The following FBXL17 variants were observed in gnomAD, a reference collection of about 807,000 sequenced individuals.
The protein encoded by FBXL17 is F-box/LRR-repeat protein 17.
FBXL17 carries 22 observed loss-of-function variants against 66.2 expected under a neutral mutation model. That is an observed-to-expected ratio of 0.33 (90% CI 0.24 to 0.47). The LOEUF (loss-of-function observed/expected upper bound fraction) is 0.47, where lower values mean the gene tolerates loss of function less well. Among genes scored for constraint, FBXL17 ranks in the 20% least tolerant of loss-of-function variants. FBXL17 has a pLI of 1.00. For missense variants in FBXL17, 878 were observed against 948.2 expected (o/e 0.93, Z 0.97); for synonymous variants, 474 against 400.5 (o/e 1.18, Z -2.19).
intron 7 of FBXL17, among the ~76,000 whole-genome samples, chr5:108,020,361 T>C (rs541131840): frequency 6.6e-6 from 1 of 152,074 alleles, no homozygotes; most frequent in East Asian, 1.9e-4. Flanking sequence ...TTTTCATAAT[T>C]GTAGAAAACA....
intron 6 of FBXL17, among the ~76,000 whole-genome samples, chr5:108,074,786 T>C (rs185445572): frequency 1.8e-4 from 27 of 152,346 alleles, no homozygotes; most frequent in African/African-American, 6.3e-4. Context: ...CTTTGTACTA[T>C]GAGAGAACAC....
intron 1 of FBXL17, among the ~76,000 whole-genome samples, chr5:108,368,867 G>A (rs1748840427): frequency 6.7e-6 from 1 of 149,922 alleles, no homozygotes; most frequent in Admixed American, 6.6e-5. Flanking sequence ...ACTGTATCAG[G>A]CAAGCCTGCC....
chr5:108,076,614 C>T (rs6865057), intron 6 of FBXL17, among the ~76,000 whole-genome samples: 18,115 of 152,014 alleles, frequency 0.12, 1,345 homozygotes, highest in East Asian at 0.17. Context: ...TTTAAAATGG[C>T]TGCTGCTTGG....
At chr5:108,102,521 A>C (rs1403138688) in intron 6 of FBXL17, among the ~76,000 whole-genome samples, 1 of 152,118 alleles carries the variant, frequency 6.6e-6, no homozygotes, top group Non-Finnish European at 1.5e-5. Flanking sequence ...ACACAATGAA[A>C]ATAATGCCTA....
chr5:107,940,473 G>T (rs1034271303), intron 7 of FBXL17, among the ~76,000 whole-genome samples: 1 of 152,160 alleles, frequency 6.6e-6, no homozygotes, highest in Admixed American at 6.5e-5. Flanking sequence ...ATCAGGGAAG[G>T]CTTGTTAAAT....
At chr5:107,999,458 C>CAT (rs922533746) in intron 7 of FBXL17, among the ~76,000 whole-genome samples, 8 of 134,598 alleles carry the variant, frequency 5.9e-5, no homozygotes, top group Admixed American at 2.1e-4. Context: ...CAGAAACACA[C>CAT]ACACACACAC....
At position 108,367,764 on chromosome 5, in the gene FBXL17, T is replaced by A. The variant is rs1748765444; in HGVS notation, c.1116+67A>T. The A allele has an allele frequency of 3.7e-6, 5 of 1,348,330 alleles. No homozygotes were observed. In the East Asian group the frequency reaches 1.3e-4, roughly 36 times the overall value. 83.5% of individuals were successfully genotyped at this position (1,348,330 alleles called of 1,614,324 possible). On this transcript the variant is annotated intron_variant, in intron 2 of 8. Transcript: ENST00000542267. ...AAAAAACAAGAAGACAGTAAAGATT[T>A]CTGAAGAGGAATAAAGATATTTTTT...
At chr5:108,360,895 A>G (rs1580889306) in intron 3 of FBXL17, among the ~76,000 whole-genome samples, 1 of 151,928 alleles carries the variant, frequency 6.6e-6, no homozygotes, top group East Asian at 1.9e-4. Context: ...CAGTTATTGT[A>G]CTTCTTAGCT....
rs1188220611 is a variant in FBXL17, at chr5:108,146,237, A to T, written c.1745+39880T>A. ...ACATAGCAAGACTTCGTCTCAAAAA[A>T]AAAAAAAGACTCATCACCAAAACTG... On this transcript the variant is annotated intron_variant, in intron 6 of 8. Transcript: ENST00000542267. Among the ~76,000 whole-genome samples the T allele has an allele frequency of 3.3e-5, 5 of 152,074 alleles. No individual in the cohort carries two copies. In the East Asian group the frequency reaches 9.7e-4, roughly 29 times the overall value.
chr5:107,917,580 CAT>C (rs1455829249), intron 7 of FBXL17, among the ~76,000 whole-genome samples: 1 of 152,162 alleles, frequency 6.6e-6, no homozygotes, highest in East Asian at 1.9e-4. Context: ...CACTAAATGA[CAT>C]AGTGTACTTG....
chr5:107,893,025 C>T (rs1212966671), intron 7 of FBXL17, among the ~76,000 whole-genome samples: 2 of 152,138 alleles, frequency 1.3e-5, no homozygotes, highest in Admixed American at 6.6e-5. Context: ...ATATACCTGT[C>T]TATCTCTCAA....
At chr5:108,138,530 A>AG (rs1265597251) in intron 6 of FBXL17, among the ~76,000 whole-genome samples, 2 of 152,232 alleles carry the variant, frequency 1.3e-5, no homozygotes, top group East Asian at 3.8e-4. Context: ...AATTGGTCAA[A>AG]GGTTAAAAAG....
At chr5:108,336,803 TATAGA>T (rs1487473458) in intron 4 of FBXL17, among the ~76,000 whole-genome samples, 9 of 152,182 alleles carry the variant, frequency 5.9e-5, no homozygotes, top group South Asian at 2.1e-4. Flanking sequence ...TTGATATTGC[TATAGA>T]ATAAAGTATA....
At chr5:108,251,860 G>C (rs905781512) in intron 4 of FBXL17, among the ~76,000 whole-genome samples, 2 of 151,774 alleles carry the variant, frequency 1.3e-5, no homozygotes, top group African/African-American at 4.8e-5. Flanking sequence ...TCAATATTAT[G>C]TGGCTGAGAT....
At chr5:108,378,043 A>C (rs1749567448) in intron 1 of FBXL17, among the ~76,000 whole-genome samples, 2 of 152,240 alleles carry the variant, frequency 1.3e-5, no homozygotes, top group Non-Finnish European at 2.9e-5. Context: ...TAATAAGCAT[A>C]AAATAGGATA....
intron 1 of FBXL17, among the ~76,000 whole-genome samples, chr5:108,379,164 T>TC (rs1173269714): frequency 6.6e-6 from 1 of 152,242 alleles, no homozygotes; most frequent in East Asian, 1.9e-4. Flanking sequence ...CCCTTTTTTT[T>TC]CTCGGCATTA....
intron 7 of FBXL17, among the ~76,000 whole-genome samples, chr5:107,887,386 G>A (rs192061292): frequency 6.6e-5 from 10 of 152,242 alleles, no homozygotes; most frequent in Non-Finnish European, 1.0e-4. Flanking sequence ...TCATACAAGC[G>A]CATTAACAAG....
intron 7 of FBXL17, among the ~76,000 whole-genome samples, chr5:107,902,940 CACTG>C (rs1386527646): frequency 6.6e-6 from 1 of 152,050 alleles, no homozygotes; most frequent in Non-Finnish European, 1.5e-5. Context: ...TCATTCACTA[CACTG>C]ACTGAATAAA....
At chr5:107,948,107 A>C (rs1751373772) in intron 7 of FBXL17, among the ~76,000 whole-genome samples, 1 of 152,152 alleles carries the variant, frequency 6.6e-6, no homozygotes, top group Non-Finnish European at 1.5e-5. Flanking sequence ...TGGTTAAAAA[A>C]AAAATAGGCT....
Sources: gnomAD v4.1 joint callset for allele counts (sites outside exome capture counted in the v4.1 genomes callset) on GRCh38, gnomAD v4.1.1 for gene constraint, MANE v1.5 for transcripts, NCBI Gene and HGNC (gene_info 2026-07-23, HGNC 2026-07-21) for gene names.